PCDH15: variants seen among roughly 807,000 people sequenced by gnomAD.
The protein encoded by PCDH15 is protocadherin-15.
In PCDH15, 129 loss-of-function variants were observed where a neutral mutation model predicts 178.5. The observed-to-expected ratio is 0.72, with a 90% CI of 0.63 to 0.84. PCDH15 has a LOEUF of 0.84. Among genes scored for constraint, PCDH15 ranks in the 40% least tolerant of loss-of-function variants. The probability of loss-of-function intolerance (pLI) is 0.00; values close to 1 mark genes in which losing one functional copy is unlikely to be tolerated. For missense variants in PCDH15, 2,230 were observed against 2,099.9 expected (o/e 1.06, Z -1.21); for synonymous variants, 800 against 732.0 (o/e 1.09, Z -1.50).
rs527242410 is a variant in PCDH15, at chr10:54,515,658, A to T, written c.157+12154T>A. 1.1e-4 allele frequency among the ~76,000 whole-genome samples: 16 copies of T among 152,298 alleles called. No homozygotes were observed. In the South Asian group the frequency reaches 3.1e-3, roughly 30 times the overall value. The stretch of plus-strand genomic sequence containing the variant: ...TGGTTCTCCCAGCACGCAGCTGGAG[A>T]TCTGAGAATGGGCAGACTGCCTCCT... On this transcript the variant is annotated intron_variant, in intron 3 of 37. Transcript: ENST00000644397.
chr10:53,824,304 C>CTGAT (rs986581206), intron 32 of PCDH15, among the ~76,000 whole-genome samples: 3 of 152,094 alleles, frequency 2.0e-5, no homozygotes, highest in East Asian at 1.9e-4. Context: ...GGATTGTTGG[C>CTGAT]TGATTGATAG....
At chr10:54,819,821 T>C (rs1164017734) in intron 3 of PCDH15, among the ~76,000 whole-genome samples, 1 of 152,082 alleles carries the variant, frequency 6.6e-6, no homozygotes, top group African/African-American at 2.4e-5. Context: ...GAGTAGATCA[T>C]GTAGATCATG....
chr10:54,916,887 T>C (rs912263465), intron 2 of PCDH15, among the ~76,000 whole-genome samples: 2 of 152,150 alleles, frequency 1.3e-5, no homozygotes, highest in African/African-American at 4.8e-5. Context: ...GTGATGAGAA[T>C]GGTAGATGGC....
chr10:54,751,288 C>T (rs999458651), intron 1 of PCDH15, among the ~76,000 whole-genome samples: 1 of 152,040 alleles, frequency 6.6e-6, no homozygotes, highest in Admixed American at 6.6e-5. Flanking sequence ...TTTTGACTGA[C>T]GTATTTCACC....
chr10:54,036,805 T>C (rs1159527370), intron 18 of PCDH15, among the ~76,000 whole-genome samples: 1 of 151,974 alleles, frequency 6.6e-6, no homozygotes, highest in East Asian at 1.9e-4. Flanking sequence ...GTTATTCCTC[T>C]GATGGATCTG....
intron 2 of PCDH15, among the ~76,000 whole-genome samples, chr10:55,397,571 C>T (rs1413869893): frequency 6.6e-6 from 1 of 151,878 alleles, no homozygotes; most frequent in East Asian, 1.9e-4. Context: ...GTTTCATTTT[C>T]CTGTCTCCTG....
In PCDH15 at chr10:55,386,542, T is replaced by C. The variant is rs78024199; in HGVS notation, c.-155-219891A>G. On this transcript the variant is annotated intron_variant, in intron 2 of 5. Transcript: ENST00000613346. Reference sequence around the variant, plus strand: ...CTTCAAATCTCTAGCAAAGATAACATAGATCCAATGATATACCCCAAGGTG... The same window carrying C: ...CTTCAAATCTCTAGCAAAGATAACACAGATCCAATGATATACCCCAAGGTG... Among the ~76,000 whole-genome samples, 1,010 of 152,116 alleles carry C rather than the reference T, an allele frequency of 6.6e-3. 10 individuals carry two copies. Among genetic ancestry groups the C allele is most frequent in the African/African-American group, 0.023 (966 of 41,536 alleles).
At chr10:55,306,802 A>C (rs1843436753) in intron 1 of PCDH15, among the ~76,000 whole-genome samples, 1 of 152,204 alleles carries the variant, frequency 6.6e-6, no homozygotes, top group African/African-American at 2.4e-5. Context: ...ACATGTTTGC[A>C]TTCATATTCC....
intron 1 of PCDH15, among the ~76,000 whole-genome samples, chr10:54,775,448 TC>T (rs1353783695): frequency 6.6e-6 from 1 of 152,190 alleles, no homozygotes; most frequent in African/African-American, 2.4e-5. Context: ...AATTAGCATA[TC>T]CATTATCTCC....
chr10:53,959,610 AG>A, intron 23 of PCDH15, 121 bp downstream of exon 23: 1 of 696,612 alleles, frequency 1.4e-6, no homozygotes, highest in Non-Finnish European at 2.5e-6. Context: ...ATGTTAATTT[AG>A]AAACGCCTAA....
intron 20 of PCDH15, among the ~76,000 whole-genome samples, chr10:54,003,916 C>T (rs137917636): frequency 0.011 from 1,704 of 151,980 alleles, 16 homozygotes; most frequent in Middle Eastern, 0.024. Flanking sequence ...AGAAATTCAA[C>T]ATCGTATTTA....
intron 2 of PCDH15, among the ~76,000 whole-genome samples, chr10:55,099,087 T>G (rs1190853284): frequency 1.3e-5 from 2 of 152,102 alleles, no homozygotes; most frequent in Admixed American, 6.6e-5. Context: ...GTGTCTGTAT[T>G]CTTTTTAAAA....
At chr10:53,973,487 T>C (rs2089935552) in intron 21 of PCDH15, among the ~76,000 whole-genome samples, 1 of 152,200 alleles carries the variant, frequency 6.6e-6, no homozygotes, top group Non-Finnish European at 1.5e-5. Flanking sequence ...ATTGCGTTAC[T>C]ACGGCGATAT....
intron 8 of PCDH15, among the ~76,000 whole-genome samples, chr10:54,243,486 G>A (rs960882953): frequency 1.3e-5 from 2 of 151,990 alleles, no homozygotes; most frequent in African/African-American, 2.4e-5. Flanking sequence ...CAGTCTGGGC[G>A]ACAGAGCAAG....
At chr10:54,577,530 A>G (rs2090607142) in intron 2 of PCDH15, among the ~76,000 whole-genome samples, 1 of 152,106 alleles carries the variant, frequency 6.6e-6, no homozygotes, top group South Asian at 2.1e-4. Context: ...TGAGAATACA[A>G]AAAAGGAAAA....
intron 2 of PCDH15, among the ~76,000 whole-genome samples, chr10:55,589,411 T>C (rs541245652): frequency 3.3e-5 from 5 of 152,182 alleles, no homozygotes; most frequent in Admixed American, 3.3e-4. Flanking sequence ...TCCATTGATC[T>C]TCATGTCTAA....
chr10:55,401,414 G>T (rs1267989044), intron 2 of PCDH15, among the ~76,000 whole-genome samples: 1 of 152,004 alleles, frequency 6.6e-6, no homozygotes, highest in African/African-American at 2.4e-5. Context: ...CCATAGAAAT[G>T]ATAAAGAAGA....
chr10:54,606,155 T>C (rs1361920266), intron 2 of PCDH15: 2 of 152,186 alleles, frequency 1.3e-5, no homozygotes, highest in East Asian at 1.9e-4. Context: ...ACTTCTTTCA[T>C]AGAGAATCTG....
intron 1 of PCDH15, among the ~76,000 whole-genome samples, chr10:54,707,793 C>A (rs1055985171): frequency 6.6e-5 from 10 of 152,094 alleles, no homozygotes; most frequent in East Asian, 1.9e-4. Context: ...ATAAAAAAAA[C>A]CACATGCTGG....
Sources: gnomAD v4.1 joint callset for allele counts (sites outside exome capture counted in the v4.1 genomes callset) on GRCh38, gnomAD v4.1.1 for gene constraint, MANE v1.5 for transcripts, NCBI Gene and HGNC (gene_info 2026-07-23, HGNC 2026-07-21) for gene names.